Variants in DPP8 observed in about 807,000 individuals in gnomAD.
DPP8 encodes the protein DPP VIII.
A neutral mutation model predicts 107.5 loss-of-function variants in DPP8; 31 were observed. The ratio of observed to expected loss-of-function variants is 0.29; its 90% CI spans 0.22 to 0.39. The LOEUF (loss-of-function observed/expected upper bound fraction) is 0.39. Among genes scored for constraint, DPP8 ranks in the 10% least tolerant of loss-of-function variants. The pLI is 1.00. For synonymous variants in DPP8, 381 were observed against 356.6 expected, an observed-to-expected ratio of 1.07 and a Z score of -0.77; for missense variants, 842 against 1,076.1, an observed-to-expected ratio of 0.78 and a Z score of 3.04.
rs552270623 is a variant in DPP8, at chr15:65,463,675, T to C, written c.1971+86A>G. ...CAAATGCCCAACAATGCTCAAAATC[T>C]TAAACTGACTAGACATTTAAAAAAC... On this transcript the variant is annotated intron_variant, in intron 15 of 19. Coordinates refer to ENST00000300141, the MANE Select transcript of DPP8 (RefSeq NM_130434.5). 4.1e-4 allele frequency: 498 copies of C among 1,208,980 alleles called. 6 individuals are homozygous for C. The South Asian group carries it at 4.4e-3, about 11-fold the overall frequency. The allele number at this position is 1,208,980 out of a possible 1,614,324, so 74.9% of individuals were successfully genotyped here.
intron 8 of DPP8, among the ~76,000 whole-genome samples, chr15:65,482,541 G>C (rs984987043): frequency 2.6e-5 from 4 of 152,128 alleles, no homozygotes; most frequent in Non-Finnish European, 5.9e-5. Flanking sequence ...CTGCCAAATA[G>C]TTGGGATTAC....
rs761208744 is a variant in DPP8, at chr15:65,498,013, T to C, written c.566A>G (p.Asn189Ser). 5 of 1,604,154 alleles carry C rather than the reference T, an allele frequency of 3.1e-6. No homozygotes were observed. The East Asian group carries it at 9.0e-5, about 29-fold the overall frequency. ...QGFTQQPLRP[N>S]LVETSCPNIR... is the part of the protein sequence containing the mutation. ...GTTGGGACAACTAGTTTCCACTAGA[T>C]TGGGCCTTAAAGGTTGTTGCTAGAA... The change falls in exon 5 of 20, where the codon AAT becomes AGT. Residue 189 changes from asparagine (N) to serine (S), a missense_variant. Asn to Ser is a conservative substitution (Grantham distance 46, BLOSUM62 1). Around this residue, in one of 2 missense-constraint regions of DPP8, gnomAD observed 663 missense variants for 758.0 expected, o/e 0.87. Coordinates refer to ENST00000300141, the MANE Select transcript of DPP8 (RefSeq NM_130434.5).
chr15:65,478,000 G>A (rs2066560127), intron 11 of DPP8, among the ~76,000 whole-genome samples: 1 of 152,056 alleles, frequency 6.6e-6, no homozygotes, highest in Middle Eastern at 3.2e-3. Flanking sequence ...AGTGTTCTAT[G>A]TACCCATTTA....
At chr15:65,496,881 C>T (rs1013660150) in intron 5 of DPP8, among the ~76,000 whole-genome samples, 25 of 151,856 alleles carry the variant, frequency 1.6e-4, no homozygotes, top group African/African-American at 5.8e-4. Flanking sequence ...ATCTACCCGC[C>T]TCAGTCTCAA....
intron 12 of DPP8, 142 bp downstream of exon 12, chr15:65,474,067 G>A: frequency 1.6e-6 from 1 of 630,482 alleles, no homozygotes; most frequent in Non-Finnish European, 2.8e-6. Flanking sequence ...TCACCCCATT[G>A]CACTCCAGCC....
At chr15:65,507,221 G>A (rs1235682166) in intron 3 of DPP8, 22 bp downstream of exon 3, 1 of 1,409,638 alleles carries the variant, frequency 7.1e-7, no homozygotes, top group Non-Finnish European at 9.9e-7. Flanking sequence ...CAAATCATAG[G>A]AATAACAACA....
chr15:65,454,280 T>G lies in DPP8; in HGVS notation c.2254A>C (p.Arg752=). 2 of 1,556,326 alleles carry G rather than the reference T, an allele frequency of 1.3e-6. No individual in the cohort carries two copies. The highest frequency in any genetic ancestry group is 1.7e-6 in the Non-Finnish European group (2 of 1,160,026). Residue 752 remains arginine, a synonymous_variant, in exon 17 of 20, where the codon AGG becomes CGG. Transcript: ENST00000300141. ...GYLSLMALMQ[R]SDIFRVAIAG... ...TCACATACCCTGAAGATATCTGACCTCTGCATTAATGCCATCAGGGAGAGG... is the reference window on the plus strand; with the variant it reads ...TCACATACCCTGAAGATATCTGACCGCTGCATTAATGCCATCAGGGAGAGG...
At chr15:65,449,100 C>G (rs2063774446) in intron 19 of DPP8, among the ~76,000 whole-genome samples, 2 of 144,628 alleles carry the variant, frequency 1.4e-5, no homozygotes. Context: ...GTCCCAGCTA[C>G]TCGGGAGGCT....
At chr15:65,480,109 A>G (rs1476288623) in intron 10 of DPP8, 113 bp downstream of exon 10, 3 of 845,754 alleles carry the variant, frequency 3.5e-6, no homozygotes, top group Non-Finnish European at 5.4e-6. Flanking sequence ...CTAAAGAAAT[A>G]ACATGGTCCC....
At chr15:65,474,385 T>A in intron 11 of DPP8, 97 bp from the exon 12 acceptor site, 2 of 890,184 alleles carry the variant, frequency 2.2e-6, no homozygotes, top group Non-Finnish European at 1.8e-6. Context: ...TTCCAAAAAG[T>A]TATGTTTGGG....
chr15:65,491,207 T>C (rs957785998), intron 5 of DPP8, among the ~76,000 whole-genome samples: 1 of 151,530 alleles, frequency 6.6e-6, no homozygotes, highest in Non-Finnish European at 1.5e-5. Flanking sequence ...AGGAAATGTT[T>C]ACAATATACT....
intron 16 of DPP8, chr15:65,455,479 C>G (rs2064337380): frequency 4.5e-6 from 1 of 221,794 alleles, no homozygotes; most frequent in Non-Finnish European, 8.5e-6. Context: ...GAAGGAATTG[C>G]TCTTGAGGCC....
intron 1 of DPP8, chr15:65,515,660 T>C: frequency 6.2e-7 from 1 of 1,613,996 alleles, no homozygotes; most frequent in Admixed American, 1.7e-5. Flanking sequence ...GCCTACCTGA[T>C]TTTATTTTCA....
At chr15:65,473,938 C>A (rs1419673969) in intron 12 of DPP8, among the ~76,000 whole-genome samples, 2 of 151,972 alleles carry the variant, frequency 1.3e-5, no homozygotes, top group Non-Finnish European at 2.9e-5. Flanking sequence ...CCCGTGTCTA[C>A]TAAAGATACA....
At chr15:65,455,708 T>C in intron 16 of DPP8, 5 of 1,235,056 alleles carry the variant, frequency 4.0e-6, no homozygotes, top group Non-Finnish European at 5.2e-6. Flanking sequence ...TCCCCATGTC[T>C]TACTCAGCAT....
chr15:65,516,017 C>G (rs1224017422), intron 1 of DPP8: 1 of 406,742 alleles, frequency 2.5e-6, no homozygotes, highest in African/African-American at 2.1e-5. Context: ...AAAGAATATC[C>G]TAACATAGCA....
At chr15:65,464,043 A>C in intron 14 of DPP8, 137 bp from the exon 15 acceptor site, 1 of 646,430 alleles carries the variant, frequency 1.5e-6, no homozygotes, top group Non-Finnish European at 2.5e-6. Flanking sequence ...ATAAGCTAGA[A>C]TTTAAGCAAG....
chr15:65,484,506 C>T (rs545645998), intron 8 of DPP8, among the ~76,000 whole-genome samples: 3 of 151,818 alleles, frequency 2.0e-5, no homozygotes, highest in South Asian at 2.1e-4. Flanking sequence ...ATAAATAAAT[C>T]GTATTACATG....
At position 65,512,340 on chromosome 15, in the gene DPP8, T is replaced by C. The variant is rs775592698; in HGVS notation, c.214A>G (p.Arg72Gly). The C allele has an allele frequency of 6.2e-7, 1 of 1,613,996 alleles. No individual in the cohort carries two copies. The highest frequency in any genetic ancestry group is 1.1e-5 in the South Asian group (1 of 91,084). The change falls in exon 2 of 20, where the codon AGG (arginine) becomes GGG (glycine). Residue 72 changes from arginine (R) to glycine (G), a missense_variant. Coordinates refer to ENST00000300141, the MANE Select transcript of DPP8 (RefSeq NM_130434.5). ...GAATGAGGTCCATCTGGATCATTCC[T>C]CTTCACAAACATGAAATCATGTGGT... ...KAPHDFMFVK[R>G]NDPDGPHSDR...
Sources: allele counts gnomAD v4.1 joint callset (sites outside exome capture counted in the v4.1 genomes callset), GRCh38; gene constraint gnomAD v4.1.1; regional missense constraint gnomAD v4.1.1; transcripts MANE v1.5; gene names NCBI Gene and HGNC (gene_info 2026-07-23, HGNC 2026-07-21).